The following SMYD3 variants were observed in gnomAD, a reference collection of about 807,000 sequenced individuals.
SMYD3 encodes histone-lysine N-methyltransferase SMYD3.
A neutral mutation model predicts 57.7 loss-of-function variants in SMYD3; 36 were observed. The observed-to-expected ratio is 0.62, with a 90% CI of 0.48 to 0.82. SMYD3 has a LOEUF of 0.82. SMYD3 is among the 40% of genes least tolerant of loss of function. The probability of loss-of-function intolerance (pLI) is 0.00; values close to 1 mark genes in which losing one functional copy is unlikely to be tolerated. For synonymous variants in SMYD3, 211 were observed against 195.0 expected (o/e 1.08, Z -0.68); for missense variants, 515 against 538.8 (o/e 0.96, Z 0.44).
At position 246,183,587 on chromosome 1, in the gene SMYD3, C is replaced by CA. The variant is rs76839106; in HGVS notation, c.531+143613dup. Among the ~76,000 whole-genome samples the CA allele has an allele frequency of 2.1e-3, 303 of 141,724 alleles. 2 individuals are homozygous for CA. The highest frequency in any genetic ancestry group is 6.1e-3 in the African/African-American group (237 of 38,598). The allele number at this position is 141,724 out of a possible 152,430, so 93.0% of individuals were successfully genotyped here. On this transcript the variant is annotated intron_variant, in intron 5 of 11. Transcript: ENST00000490107. ...CTAGCTAGGGGAGTATGTCCAGCACCAAAAAAAAAAAGTAATTATTTCATG... is the reference window on the plus strand; with the variant it reads ...CTAGCTAGGGGAGTATGTCCAGCACCAAAAAAAAAAAAGTAATTATTTCATG...
chr1:246,116,209 C>CTGG (rs2061340836), intron 5 of SMYD3, among the ~76,000 whole-genome samples: 1 of 9,248 alleles, frequency 1.1e-4, no homozygotes, highest in Non-Finnish European at 2.4e-4. Context: ...TGGACACACA[C>CTGG]ACACACACAC....
chr1:246,277,264 G>A (rs548972541), intron 5 of SMYD3, among the ~76,000 whole-genome samples: 7 of 151,054 alleles, frequency 4.6e-5, no homozygotes, highest in Admixed American at 3.3e-4. Flanking sequence ...TATATAAAAC[G>A]CTCAACATCA....
intron 1 of SMYD3, among the ~76,000 whole-genome samples, chr1:246,370,702 A>C (rs1179754839): frequency 6.6e-6 from 1 of 152,224 alleles, no homozygotes; most frequent in African/African-American, 2.4e-5. Context: ...CTCTATCAGA[A>C]AAGTTTCTTC....
chr1:246,506,149 CA>C (rs2068533851), intron 1 of SMYD3, among the ~76,000 whole-genome samples: 1 of 152,236 alleles, frequency 6.6e-6, no homozygotes, highest in African/African-American at 2.4e-5. Flanking sequence ...CGGCCATGCA[CA>C]AAATCATCGC....
chr1:246,312,908 T>G (rs927209375), intron 5 of SMYD3, among the ~76,000 whole-genome samples: 10 of 145,396 alleles, frequency 6.9e-5, no homozygotes, highest in African/African-American at 2.0e-4. Flanking sequence ...TTGTTGGTTT[T>G]GGTTTGTTTG....
intron 1 of SMYD3, among the ~76,000 whole-genome samples, chr1:246,453,397 G>A (rs141545209): frequency 2.0e-5 from 3 of 152,186 alleles, no homozygotes; most frequent in African/African-American, 7.2e-5. Context: ...TTAGTACAGT[G>A]GTGGATTACA....
intron 5 of SMYD3, among the ~76,000 whole-genome samples, chr1:246,039,958 A>G (rs1461720734): frequency 6.6e-6 from 1 of 152,238 alleles, no homozygotes; most frequent in East Asian, 1.9e-4. Context: ...AAGTAACAAC[A>G]TTAACGCAGC....
chr1:246,350,396 G>A (rs1054765208), intron 2 of SMYD3, among the ~76,000 whole-genome samples: 10 of 152,142 alleles, frequency 6.6e-5, no homozygotes, highest in African/African-American at 1.7e-4. Flanking sequence ...GGAAAGAATC[G>A]TAGTTAACAA....
At chr1:245,926,219 A>C (rs980431752) in intron 7 of SMYD3, among the ~76,000 whole-genome samples, 3 of 152,236 alleles carry the variant, frequency 2.0e-5, no homozygotes, top group Non-Finnish European at 2.9e-5. Flanking sequence ...TTTGGGGATA[A>C]AGTTTTCAAC....
chr1:246,129,511 G>T (rs1338175783), intron 5 of SMYD3, among the ~76,000 whole-genome samples: 1 of 152,076 alleles, frequency 6.6e-6, no homozygotes, highest in African/African-American at 2.4e-5. Flanking sequence ...TTGAGGGACT[G>T]ACCTTTCGAC....
rs796576848 is a variant in SMYD3, at chr1:246,307,482, T to C, written c.531+19719A>G. On this transcript the variant is annotated intron_variant, in intron 5 of 11. Transcript: ENST00000490107. ...TCGCCCAGGCTGGAGTGCAGTGGCG[T>C]GATCTCGGCTCACTGCAAGCTCCGC... Among the ~76,000 whole-genome samples the C allele has an allele frequency of 1.3e-3, 184 of 142,802 alleles. 1 individual carries two copies. Among genetic ancestry groups the C allele is most frequent in the African/African-American group, 1.8e-3 (68 of 38,136 alleles). The allele number at this position is 142,802 out of a possible 152,430, so 93.7% of individuals were successfully genotyped here. A position where few individuals can be genotyped will look rare whatever the true frequency, so the allele number is the denominator to read the frequency against.
chr1:246,383,003 T>C (rs1264361846), intron 1 of SMYD3, among the ~76,000 whole-genome samples: 1 of 151,768 alleles, frequency 6.6e-6, no homozygotes, highest in Non-Finnish European at 1.5e-5. Flanking sequence ...GTTTCCCCCA[T>C]GGACCCGGGG....
intron 5 of SMYD3, among the ~76,000 whole-genome samples, chr1:245,986,580 T>C (rs2058708905): frequency 6.6e-6 from 1 of 152,236 alleles, no homozygotes; most frequent in African/African-American, 2.4e-5. Context: ...CTGAACTAGC[T>C]GACTGGAACA....
At chr1:246,177,967 C>G (rs2062462447) in intron 5 of SMYD3, among the ~76,000 whole-genome samples, 1 of 152,108 alleles carries the variant, frequency 6.6e-6, no homozygotes, top group Non-Finnish European at 1.5e-5. Context: ...AAGGGTGCTG[C>G]CTCCATTTAG....
At chr1:245,804,687 G>A (rs1181167108) in intron 10 of SMYD3, among the ~76,000 whole-genome samples, 3 of 152,204 alleles carry the variant, frequency 2.0e-5, no homozygotes, top group Admixed American at 6.5e-5. Context: ...AAGAGCTAGA[G>A]GGAACTAACT....
intron 10 of SMYD3, among the ~76,000 whole-genome samples, chr1:245,836,211 G>T (rs1372057901): frequency 3.9e-5 from 6 of 152,240 alleles, no homozygotes; most frequent in Admixed American, 2.0e-4. Context: ...GCAGGAGCTT[G>T]AAGAGGATGA....
chr1:245,833,215 A>G (rs893850640), intron 10 of SMYD3, among the ~76,000 whole-genome samples: 23 of 152,212 alleles, frequency 1.5e-4, no homozygotes, highest in African/African-American at 5.3e-4. Context: ...AACATCTTAC[A>G]TTACCAAGGA....
intron 10 of SMYD3, among the ~76,000 whole-genome samples, chr1:245,818,575 C>T (rs1238712237): frequency 6.6e-6 from 1 of 151,924 alleles, no homozygotes; most frequent in Admixed American, 6.6e-5. Flanking sequence ...GGACTAAATG[C>T]TCCAATTAAA....
intron 5 of SMYD3, among the ~76,000 whole-genome samples, chr1:246,249,299 TCACCATGTTGGCCAGGCTGGTC>T (rs144411607): frequency 0.21 from 31,188 of 151,448 alleles, 3,856 homozygotes; most frequent in East Asian, 0.57. Flanking sequence ...AGACAGGGTT[TCACCATGTTGGCCAGGCTGGTC>T]TTGAACTCCT....
Sources: gnomAD v4.1 joint callset for allele counts (sites outside exome capture counted in the v4.1 genomes callset) on GRCh38, gnomAD v4.1.1 for gene constraint, MANE v1.5 for transcripts, NCBI Gene and HGNC (gene_info 2026-07-23, HGNC 2026-07-21) for gene names.